The following NUP62CL variants were observed in gnomAD, a reference collection of about 807,000 sequenced individuals.
NUP62CL encodes nucleoporin-62 C-terminal-like protein.
Under a neutral mutation model 15.3 loss-of-function variants are expected in NUP62CL, and 13 were observed. The ratio of observed to expected loss-of-function variants is 0.85; its 90% CI spans 0.55 to 1.35. NUP62CL has a LOEUF of 1.35. Among genes scored for constraint, NUP62CL ranks in the 40% most tolerant of loss-of-function variants. NUP62CL has a pLI of 0.00. For synonymous variants in NUP62CL, 54 were observed against 49.2 expected (o/e 1.10, Z -0.41); for missense variants, 123 against 130.6 (o/e 0.94, Z 0.28).
chrX:107,131,744 A>G, intron 8 of NUP62CL: 1 of 892,855 alleles, frequency 1.1e-6, no homozygotes, highest in Middle Eastern at 2.9e-4. Context: ...CTTTCTCTCA[A>G]ATGTGAAAAT....
chrX:107,168,897 T>C (rs1339449035), intron 3 of NUP62CL, among the ~76,000 whole-genome samples: 1 of 111,866 alleles, frequency 8.9e-6, no homozygotes, highest in African/African-American at 3.2e-5. Flanking sequence ...TGAGGGAACA[T>C]TCCTGCTGAG....
intron 4 of NUP62CL, among the ~76,000 whole-genome samples, chrX:107,162,830 G>T (rs1926421267): frequency 8.9e-6 from 1 of 111,776 alleles, no homozygotes; most frequent in Non-Finnish European, 1.9e-5. Flanking sequence ...GAGGGGCCTG[G>T]GGGAGGATCA....
At chrX:107,153,768 G>T (rs1926105420) in intron 5 of NUP62CL, among the ~76,000 whole-genome samples, 1 of 111,422 alleles carries the variant, frequency 9.0e-6, no homozygotes, top group Non-Finnish European at 1.9e-5. Context: ...AGGAGTTTGA[G>T]ACCAGACTGG....
chrX:107,154,851 G>A (rs761723937), intron 4 of NUP62CL, among the ~76,000 whole-genome samples: 62 of 111,728 alleles, frequency 5.5e-4, no homozygotes, highest in African/African-American at 2.0e-3. Context: ...GAAGACACAG[G>A]CACGATTCCA....
intron 4 of NUP62CL, among the ~76,000 whole-genome samples, chrX:107,156,081 A>C (rs1274873672): frequency 4.5e-5 from 5 of 110,598 alleles, no homozygotes; most frequent in Non-Finnish European, 9.4e-5. Context: ...CCGGCTTAAA[A>C]AACGGCGCAC....
chrX:107,152,080 AT>A (rs1429943201), intron 7 of NUP62CL, among the ~76,000 whole-genome samples: 3 of 43,090 alleles, frequency 7.0e-5, no homozygotes, highest in Non-Finnish European at 1.0e-4. Context: ...ATATATTCAG[AT>A]ATATATATAT....
In NUP62CL at chrX:107,170,232, T is replaced by C. The variant is rs113488610; in HGVS notation, c.59-2448A>G. 2.7e-3 allele frequency among the ~76,000 whole-genome samples: 293 copies of C among 110,042 alleles called. 3 individuals are homozygous for C. Among genetic ancestry groups the C allele is most frequent in the African/African-American group, 9.1e-3 (275 of 30,261 alleles). On this transcript the variant is annotated intron_variant, in intron 3 of 8. Coordinates refer to ENST00000372466, the MANE Select transcript of NUP62CL (RefSeq NM_017681.3). ...TGTACACACACACACACACAGAGTA[T>C]GGTACCATTTTTATAAAACAAATTT...
intron 1 of NUP62CL, among the ~76,000 whole-genome samples, chrX:107,204,752 A>ATTT (rs1927586209): frequency 2.4e-5 from 2 of 84,844 alleles, no homozygotes; most frequent in Non-Finnish European, 4.4e-5. Context: ...TAAATTATTT[A>ATTT]AATAAATTTT....
intron 3 of NUP62CL, 108 bp from the exon 4 acceptor site, chrX:107,167,892 G>T: frequency 1.4e-6 from 1 of 712,093 alleles, no homozygotes; most frequent in Non-Finnish European, 2.0e-6. Context: ...ATACAAATTT[G>T]AACTCAAAGA....
intron 7 of NUP62CL, chrX:107,150,961 T>A: frequency 2.9e-6 from 1 of 342,691 alleles, no homozygotes; most frequent in South Asian, 2.6e-5. Flanking sequence ...TTTCTGCTAA[T>A]CTGTAACTGA....
intron 2 of NUP62CL, among the ~76,000 whole-genome samples, chrX:107,192,174 G>A (rs953790430): frequency 1.8e-5 from 2 of 111,609 alleles, no homozygotes; most frequent in African/African-American, 3.3e-5. Context: ...TACAATGATC[G>A]ATAGAAAAAG....
rs61027467 is a variant in NUP62CL, at chrX:107,204,841, ATTAT to A, written c.-92+1428_-92+1431del. 1.2e-3 allele frequency among the ~76,000 whole-genome samples: 91 copies of A among 75,152 alleles called. 1 individual carries two copies. Among genetic ancestry groups the A allele is most frequent in the Non-Finnish European group, 1.5e-3 (67 of 44,744 alleles). 65.3% of individuals were successfully genotyped at this position (75,152 alleles called of 115,157 possible). Reference sequence around the variant, plus strand: ...AATTATTTAAATAAATTTTAAATAAATTATTTATTTAAATAAATTTTAAATAAAT... The same window carrying A: ...AATTATTTAAATAAATTTTAAATAAATTATTTAAATAAATTTTAAATAAAT... On this transcript the variant is annotated intron_variant, in intron 1 of 8. Transcript: ENST00000372466.
chrX:107,199,770 A>C (rs1927438510), intron 1 of NUP62CL, among the ~76,000 whole-genome samples: 1 of 112,073 alleles, frequency 8.9e-6, no homozygotes. Flanking sequence ...ATGATTGTTT[A>C]ACACATCATT....
In NUP62CL at chrX:107,183,838, C is replaced by T. The variant is rs1183062667; in HGVS notation, c.-47-8645G>A. ...AGCCTAGACACCCACCCTTGTGAGG[C>T]TATAATAAGGCATCCCAACACCCTC... On this transcript the variant is annotated intron_variant, in intron 2 of 8. Transcript: ENST00000372466. Among the ~76,000 whole-genome samples the T allele has an allele frequency of 2.7e-5, 3 of 111,140 alleles. No homozygotes were observed. The East Asian group carries it at 8.5e-4, about 31-fold the overall frequency.
At chrX:107,138,600 C>T (rs997420215) in intron 8 of NUP62CL, among the ~76,000 whole-genome samples, 4 of 112,012 alleles carry the variant, frequency 3.6e-5, no homozygotes, top group African/African-American at 1.3e-4. Context: ...CAACTTAAAA[C>T]TGCCTTGATA....
chrX:107,129,298 C>T (rs756141811), intron 8 of NUP62CL, among the ~76,000 whole-genome samples: 2 of 111,186 alleles, frequency 1.8e-5, no homozygotes, highest in South Asian at 3.9e-4. Context: ...AGAAACAGAC[C>T]CCTCCTCTCA....
intron 8 of NUP62CL, among the ~76,000 whole-genome samples, chrX:107,127,552 C>A (rs887308969): frequency 9.0e-6 from 1 of 111,728 alleles, no homozygotes; most frequent in African/African-American, 3.2e-5. Flanking sequence ...TAGCCTTTTG[C>A]AAATACTTTA....
chrX:107,136,360 A>G (rs554334460), intron 8 of NUP62CL, among the ~76,000 whole-genome samples: 1 of 112,032 alleles, frequency 8.9e-6, no homozygotes, highest in East Asian at 2.8e-4. Flanking sequence ...AAACTATGAG[A>G]TCTCAACCAA....
intron 2 of NUP62CL, among the ~76,000 whole-genome samples, chrX:107,191,438 C>T (rs1927239371): frequency 1.8e-5 from 2 of 109,798 alleles, no homozygotes; most frequent in Admixed American, 2.0e-4. Context: ...GGCCGGGCGC[C>T]GTGGCTCACA....
Sources: allele counts gnomAD v4.1 joint callset (sites outside exome capture counted in the v4.1 genomes callset), GRCh38; gene constraint gnomAD v4.1.1; transcripts MANE v1.5; gene names NCBI Gene and HGNC (gene_info 2026-07-23, HGNC 2026-07-21).